The following STARD5 variants were observed in gnomAD, a reference collection of about 807,000 sequenced individuals.
STARD5 encodes the protein stAR-related lipid transfer protein 5.
Under a neutral mutation model 24.6 loss-of-function variants are expected in STARD5, and 26 were observed. The ratio of observed to expected loss-of-function variants is 1.06; its 90% confidence interval spans 0.77 to 1.47. The LOEUF (loss-of-function observed/expected upper bound fraction) is 1.47. Ranked by LOEUF, STARD5 falls within the 40% of genes most tolerant of loss-of-function variation. The pLI, the probability that STARD5 is intolerant of heterozygous loss-of-function variation, is 0.00. For missense variants in STARD5, 254 were observed against 270.8 expected (o/e 0.94, Z 0.44); for synonymous variants, 101 against 99.7 (o/e 1.01, Z -0.07).
intron 3 of STARD5, among the ~76,000 whole-genome samples, chr15:81,321,960 A>G (rs1229036402): frequency 1.3e-5 from 2 of 152,262 alleles, no homozygotes; most frequent in South Asian, 2.1e-4. Context: ...AATGTTATTA[A>G]TAGACATCAA....
chr15:81,315,218 CCT>C (rs1387912029), intron 5 of STARD5, among the ~76,000 whole-genome samples: 1 of 152,142 alleles, frequency 6.6e-6, no homozygotes, highest in Admixed American at 6.6e-5. Flanking sequence ...GCCCGCATCA[CCT>C]CTCAGCAGCA....
intron 5 of STARD5, 61 bp from the exon 6 acceptor site, chr15:81,313,464 C>T (rs1900976800): frequency 1.4e-6 from 2 of 1,431,944 alleles, no homozygotes; most frequent in Non-Finnish European, 9.2e-7. Context: ...GGACGAGCGC[C>T]AGGCAGGTGA....
chr15:81,320,873 T>G (rs1901180798), intron 3 of STARD5, among the ~76,000 whole-genome samples: 1 of 152,186 alleles, frequency 6.6e-6, no homozygotes, highest in South Asian at 2.1e-4. Flanking sequence ...CAGCAGCACA[T>G]GTCATAAATG....
Position 81,311,223 on chromosome 15 carries a change from G to A in STARD5, c.*2033C>T, listed in dbSNP as rs745526145. ...CATCACAGCTAACAATTGTGAAGTCGTCTTAACTCACCATAAAAAGGAATC... is the reference window on the plus strand; with the variant it reads ...CATCACAGCTAACAATTGTGAAGTCATCTTAACTCACCATAAAAAGGAATC... On this transcript the variant is annotated 3_prime_UTR_variant, in exon 6 of 6. Transcript: ENST00000302824. 4.6e-5 allele frequency: 7 copies of A among 152,202 alleles called. No individual in the cohort carries two copies. Among genetic ancestry groups the A allele is most frequent in the Non-Finnish European group, 7.3e-5 (5 of 68,050 alleles). 9.4% of individuals were successfully genotyped at this position (152,202 alleles called of 1,614,324 possible).
chr15:81,317,027 G>A (rs1460897326), intron 5 of STARD5, among the ~76,000 whole-genome samples: 1 of 151,746 alleles, frequency 6.6e-6, no homozygotes, highest in African/African-American at 2.4e-5. Context: ...TGAAACCCCG[G>A]CTCTACTAAA....
chr15:81,323,663 T>C lies in STARD5; in HGVS notation c.99+338A>G. On this transcript the variant is annotated intron_variant, in intron 1 of 5. Transcript: ENST00000302824. ...CTGCGACCACATTCTTTCATTTTGT[T>C]TTGTTTTTAAACACCTGCTTACCCC... 4.2e-6 allele frequency: 5 copies of C among 1,200,678 alleles called. No homozygotes were observed. The South Asian group carries it at 4.9e-5, about 12-fold the overall frequency. 74.4% of individuals were successfully genotyped at this position (1,200,678 alleles called of 1,614,324 possible).
At chr15:81,313,649 C>T in intron 5 of STARD5, 1 of 314,922 alleles carries the variant, frequency 3.2e-6, no homozygotes, top group Non-Finnish European at 5.8e-6. Context: ...AGTCCCTACT[C>T]CCAGCCCAAA....
chr15:81,323,108 A>G, intron 1 of STARD5, 160 bp from the exon 2 acceptor site: 1 of 685,202 alleles, frequency 1.5e-6, no homozygotes, highest in Non-Finnish European at 2.5e-6. Context: ...AGTCTTGGGC[A>G]AAGCTGTCCC....
rs1159102458 is a variant in STARD5 at position 81,310,752 on chromosome 15, G to A, written c.*2504C>T. The A allele has an allele frequency of 6.6e-6, 1 of 152,228 alleles. No individual in the cohort carries two copies. The highest frequency in any genetic ancestry group is 1.5e-5 in the Non-Finnish European group (1 of 68,090). The allele number at this position is 152,228 out of a possible 1,614,324, so 9.4% of individuals were successfully genotyped here. On this transcript the variant is annotated 3_prime_UTR_variant, in exon 6 of 6. Coordinates refer to ENST00000302824, the MANE Select transcript of STARD5 (RefSeq NM_181900.3). Reference sequence around the variant, plus strand: ...AAGCAGCCAAGGGATGAAAGAGAAGGTGGGTTTTCATCAAGACTGGAAGGT... The same window carrying A: ...AAGCAGCCAAGGGATGAAAGAGAAGATGGGTTTTCATCAAGACTGGAAGGT...
At position 81,311,016 on chromosome 15, in the gene STARD5, G is replaced by T. The variant is rs1900826115; in HGVS notation, c.*2240C>A. ...CCACTGAAGATATAACTATTGCCCA[G>T]GTTTCTGGTCTCTAGGCTGGGGAAG... On this transcript the variant is annotated 3_prime_UTR_variant, in exon 6 of 6. Transcript: ENST00000302824. The T allele has an allele frequency of 1.3e-5, 2 of 152,196 alleles. No homozygotes were observed. Among genetic ancestry groups the T allele is most frequent in the Non-Finnish European group, 2.9e-5 (2 of 68,040 alleles). The allele number at this position is 152,196 out of a possible 1,614,324, so 9.4% of individuals were successfully genotyped here. A position where few individuals can be genotyped will look rare whatever the true frequency, so the allele number is the denominator to read the frequency against.
chr15:81,322,123 G>A (rs962739631), intron 3 of STARD5, among the ~76,000 whole-genome samples: 2 of 152,210 alleles, frequency 1.3e-5, no homozygotes, highest in Admixed American at 6.5e-5. Context: ...GGTGCCAGGG[G>A]CTGAGGATCC....
intron 5 of STARD5, chr15:81,314,109 C>CAGTT (rs1200664451): frequency 2.0e-5 from 3 of 151,632 alleles, no homozygotes; most frequent in Non-Finnish European, 4.4e-5. Flanking sequence ...TCAAATTTAC[C>CAGTT]AGTTACAATT....
At position 81,312,641 on chromosome 15, in the gene STARD5, C is replaced by A. The variant is rs1380084808; in HGVS notation, c.*615G>T. 1 of 152,238 alleles carries A rather than the reference C, an allele frequency of 6.6e-6. No homozygotes were observed. The highest frequency in any genetic ancestry group is 6.5e-5 in the Admixed American group (1 of 15,290). 9.4% of individuals were successfully genotyped at this position (152,238 alleles called of 1,614,324 possible). A position where few individuals can be genotyped will look rare whatever the true frequency, so the allele number is the denominator to read the frequency against. On this transcript the variant is annotated 3_prime_UTR_variant, in exon 6 of 6. Transcript: ENST00000302824. Reference sequence around the variant, plus strand: ...GGGGATAAAGAGAGAAAAACAAATTCATCAAATGGAAGACACATTGAAAGT... The same window carrying A: ...GGGGATAAAGAGAGAAAAACAAATTAATCAAATGGAAGACACATTGAAAGT...
At position 81,313,210 on chromosome 15, in the gene STARD5, T is replaced by C. The variant is rs752973406; in HGVS notation, c.*46A>G. 42 of 1,474,510 alleles carry C rather than the reference T, an allele frequency of 2.8e-5. No homozygotes were observed. The highest frequency in any genetic ancestry group is 3.7e-5 in the Non-Finnish European group (41 of 1,106,438). The allele number at this position is 1,474,510 out of a possible 1,614,324, so 91.3% of individuals were successfully genotyped here. ...TCCTTGGTGTCCCAACAGCTGGAGC[T>C]CCTCGATGAGTCACGGGAGTTCTTT... On this transcript the variant is annotated 3_prime_UTR_variant, in exon 6 of 6. Coordinates refer to ENST00000302824, the MANE Select transcript of STARD5 (RefSeq NM_181900.3).
intron 2 of STARD5, 147 bp downstream of exon 2, chr15:81,322,752 T>C: frequency 1.5e-6 from 2 of 1,326,346 alleles, no homozygotes; most frequent in Non-Finnish European, 2.1e-6. Context: ...TTGCTGGAAA[T>C]GATTTCATTA....
rs748448303 is a variant in STARD5, at chr15:81,322,922, T to C, written c.126A>G (p.Pro42=). ...ACAGGTTCCCTGGAAACTCCACAGA[T>C]GGCCTCCAGGAAACTGAAACTCCAT... is the stretch of plus-strand genomic sequence containing the variant. ...EGNGVSVSWR[P]SVEFPGNLYR... Residue 42 remains proline (P), a synonymous_variant, in exon 2 of 6, where the codon CCA becomes CCG. Coordinates refer to ENST00000302824, the MANE Select transcript of STARD5 (RefSeq NM_181900.3). 1.2e-6 allele frequency: 2 copies of C among 1,614,136 alleles called. No individual in the cohort carries two copies. Among genetic ancestry groups the C allele is most frequent in the Admixed American group, 1.7e-5 (1 of 60,028 alleles).
At position 81,313,237 on chromosome 15, in the gene STARD5, C is replaced by G; in HGVS notation, c.*19G>C. 1 of 1,527,482 alleles carries G rather than the reference C, an allele frequency of 6.5e-7. No homozygotes were observed. The highest frequency in any genetic ancestry group is 2.5e-5 in the East Asian group (1 of 39,570). The allele number at this position is 1,527,482 out of a possible 1,614,324, so 94.6% of individuals were successfully genotyped here. A position where few individuals can be genotyped will look rare whatever the true frequency, so the allele number is the denominator to read the frequency against. On this transcript the variant is annotated 3_prime_UTR_variant, in exon 6 of 6. Transcript: ENST00000302824. Reference sequence around the variant, plus strand: ...CTCGATGAGTCACGGGAGTTCTTTGCCAAGAAGTAACGATAGCATTACTCA... The same window carrying G: ...CTCGATGAGTCACGGGAGTTCTTTGGCAAGAAGTAACGATAGCATTACTCA...
chr15:81,322,771 A>G (rs1893314853), intron 2 of STARD5, 128 bp downstream of exon 2: 3 of 1,380,656 alleles, frequency 2.2e-6, no homozygotes, highest in African/African-American at 2.9e-5. Context: ...TAAAAACAGT[A>G]AGGCTTTTCT....
chr15:81,321,146 GT>G (rs1901186640), intron 3 of STARD5, among the ~76,000 whole-genome samples: 1 of 152,250 alleles, frequency 6.6e-6, no homozygotes, highest in South Asian at 2.1e-4. Context: ...CTATTGAAAA[GT>G]TTGTATCTTT....
Sources: allele counts gnomAD v4.1 joint callset (sites outside exome capture counted in the v4.1 genomes callset), GRCh38; gene constraint gnomAD v4.1.1; transcripts MANE v1.5; gene names NCBI Gene and HGNC (gene_info 2026-07-23, HGNC 2026-07-21).